The following NTN4 variants were observed in gnomAD, a reference collection of about 807,000 sequenced individuals.
NTN4 encodes the protein netrin 4.
Under a neutral mutation model 73.6 loss-of-function variants are expected in NTN4, and 32 were observed. The observed-to-expected ratio is 0.44, with a 90% CI of 0.33 to 0.58. The LOEUF (loss-of-function observed/expected upper bound fraction) is 0.58, where lower values mean the gene tolerates loss of function less well. Ranked by LOEUF, NTN4 falls within the 20% of genes least tolerant of loss-of-function variation. NTN4 has a pLI of 0.04. For missense variants in NTN4, 654 were observed against 798.3 expected, an observed-to-expected ratio of 0.82 and a Z score of 2.18; for synonymous variants, 258 against 287.5, an observed-to-expected ratio of 0.90 and a Z score of 1.04.
chr12:95,664,119 T>C (rs2078160115), intron 9 of NTN4, among the ~76,000 whole-genome samples: 1 of 152,150 alleles, frequency 6.6e-6, no homozygotes, highest in Admixed American at 6.5e-5. Flanking sequence ...AGTGGCTCAA[T>C]CATGGCTCAC....
chr12:95,703,364 A>T (rs952039235), intron 5 of NTN4, among the ~76,000 whole-genome samples: 2 of 152,232 alleles, frequency 1.3e-5, no homozygotes, highest in Admixed American at 6.5e-5. Context: ...AATGGGGAAC[A>T]AATATATAGA....
rs1176790493 is a variant in NTN4, at chr12:95,771,036, CT to C, written c.585+15902del. Among the ~76,000 whole-genome samples, 39 of 142,960 alleles carry C rather than the reference CT, an allele frequency of 2.7e-4. 1 individual carries two copies. In the Middle Eastern group the frequency reaches 0.011, roughly 42 times the overall value. The allele number at this position is 142,960 out of a possible 152,430, so 93.8% of individuals were successfully genotyped here. A position where few individuals can be genotyped will look rare whatever the true frequency, so the allele number is the denominator to read the frequency against. ...ACAGAGTCTCGCTCTGTCGCCCAGG[CT>C]GGAGTGCAGTGGCGCGATCTCGGCT... is the stretch of plus-strand genomic sequence containing the variant. On this transcript the variant is annotated intron_variant, in intron 2 of 9. Transcript: ENST00000343702.
chr12:95,705,156 C>T (rs186249194), intron 5 of NTN4, among the ~76,000 whole-genome samples: 102 of 152,134 alleles, frequency 6.7e-4, no homozygotes, highest in African/African-American at 2.1e-3. Context: ...GTTACAATTA[C>T]CTTATTATGT....
intron 2 of NTN4, among the ~76,000 whole-genome samples, chr12:95,782,613 A>G (rs538397770): frequency 2.0e-5 from 3 of 152,096 alleles, no homozygotes; most frequent in Non-Finnish European, 2.9e-5. Context: ...TTCTATTCAA[A>G]GATTACTTTG....
intron 2 of NTN4, among the ~76,000 whole-genome samples, chr12:95,757,477 C>A (rs1173167259): frequency 6.6e-6 from 1 of 152,092 alleles, no homozygotes; most frequent in Non-Finnish European, 1.5e-5. Flanking sequence ...ATGAACAGAC[C>A]TTCCCTTCAG....
chr12:95,692,610 A>G (rs1260938197), intron 5 of NTN4, among the ~76,000 whole-genome samples: 1 of 152,214 alleles, frequency 6.6e-6, no homozygotes, highest in Non-Finnish European at 1.5e-5. Context: ...CAGGAAACAC[A>G]CCTGTTAATG....
chr12:95,782,525 T>C (rs2079140748), intron 2 of NTN4, among the ~76,000 whole-genome samples: 1 of 152,146 alleles, frequency 6.6e-6, no homozygotes, highest in South Asian at 2.1e-4. Flanking sequence ...CTTGAACTCC[T>C]GACCTTAGGT....
intron 2 of NTN4, among the ~76,000 whole-genome samples, chr12:95,773,577 C>A (rs1242060459): frequency 6.6e-6 from 1 of 152,018 alleles, no homozygotes; most frequent in Non-Finnish European, 1.5e-5. Context: ...AGGTGCCAGG[C>A]GGACTTCCTC....
chr12:95,685,057 A>G (rs949771939), intron 5 of NTN4, among the ~76,000 whole-genome samples: 5 of 152,040 alleles, frequency 3.3e-5, no homozygotes, highest in African/African-American at 9.7e-5. Flanking sequence ...TTTTATAGAG[A>G]TGGGGTTTCA....
intron 2 of NTN4, among the ~76,000 whole-genome samples, chr12:95,746,247 T>C (rs2078861796): frequency 3.3e-5 from 5 of 152,182 alleles, no homozygotes; most frequent in African/African-American, 9.7e-5. Flanking sequence ...ATTCGTCCGA[T>C]TGATAACACC....
intron 2 of NTN4, among the ~76,000 whole-genome samples, chr12:95,783,746 C>T (rs377579619): frequency 5.3e-5 from 8 of 152,322 alleles, no homozygotes; most frequent in East Asian, 1.9e-4. Flanking sequence ...GAAGGAGACA[C>T]GTTTTAGGAT....
intron 7 of NTN4, among the ~76,000 whole-genome samples, chr12:95,680,598 T>C (rs1157956489): frequency 6.6e-6 from 1 of 152,226 alleles, no homozygotes; most frequent in Non-Finnish European, 1.5e-5. Context: ...ATATCCTAAA[T>C]GGCAAACAAA....
chr12:95,769,751 C>CTTTTTTT (rs34093723), intron 2 of NTN4, among the ~76,000 whole-genome samples: 3 of 117,110 alleles, frequency 2.6e-5, no homozygotes, highest in Non-Finnish European at 5.2e-5. Context: ...AGGTTTCAAT[C>CTTTTTTT]TTTTTTTTTT....
chr12:95,723,158 G>A (rs560141675), intron 3 of NTN4, among the ~76,000 whole-genome samples: 2 of 151,988 alleles, frequency 1.3e-5, no homozygotes, highest in Admixed American at 6.6e-5. Context: ...TGAGGCCAGC[G>A]ATAGACTATC....
intron 7 of NTN4, chr12:95,672,372 A>C (rs1175068794): frequency 2.4e-6 from 2 of 835,278 alleles, no homozygotes; most frequent in African/African-American, 3.3e-5. Flanking sequence ...CCACTTCAGC[A>C]GCTGGTACGA....
rs367705800 is a variant in NTN4 at position 95,741,672 on chromosome 12, T to C, written c.586-3528A>G. 4.7e-5 allele frequency among the ~76,000 whole-genome samples: 7 copies of C among 148,590 alleles called. No individual in the cohort carries two copies. The South Asian group carries it at 1.5e-3, about 31-fold the overall frequency. ...TATATAATTTATAAATTAAACTTTATAATAGCACAGTAAGAGATTAACAAC... is the reference window on the plus strand; with the variant it reads ...TATATAATTTATAAATTAAACTTTACAATAGCACAGTAAGAGATTAACAAC... On this transcript the variant is annotated intron_variant, in intron 2 of 9. Transcript: ENST00000343702.
rs143306080 is a variant in NTN4, at chr12:95,744,059, G to A, written c.586-5915C>T. ...TGGGATTACAGGCTCCTGCCACCAC[G>A]CCCGGCTAATTTTTGCATTTTTAGT... On this transcript the variant is annotated intron_variant, in intron 2 of 9. Transcript: ENST00000343702. 6.4e-3 allele frequency among the ~76,000 whole-genome samples: 967 copies of A among 152,072 alleles called. 10 individuals are homozygous for A. Among genetic ancestry groups the A allele is most frequent in the African/African-American group, 0.022 (923 of 41,480 alleles).
chr12:95,773,237 C>G (rs2079069964), intron 2 of NTN4, among the ~76,000 whole-genome samples: 1 of 152,146 alleles, frequency 6.6e-6, no homozygotes, highest in Non-Finnish European at 1.5e-5. Context: ...CTCCTGACCT[C>G]AGGTGATTCA....
intron 2 of NTN4, among the ~76,000 whole-genome samples, chr12:95,763,254 C>CA (rs60780783): frequency 0.034 from 5,214 of 152,132 alleles, 275 homozygotes; most frequent in East Asian, 0.28. Context: ...TTTTAATAAT[C>CA]AAAAAAGAAC....
Sources: allele counts gnomAD v4.1 joint callset (sites outside exome capture counted in the v4.1 genomes callset), GRCh38; gene constraint gnomAD v4.1.1; transcripts MANE v1.5; gene names NCBI Gene and HGNC (gene_info 2026-07-23, HGNC 2026-07-21).